Variants in CCSER1 observed in about 807,000 individuals in gnomAD.
CCSER1 encodes serine-rich coiled-coil domain-containing protein 1.
CCSER1 carries 41 observed loss-of-function variants against 82.0 expected under a neutral mutation model. That is an observed-to-expected ratio of 0.50 (90% CI 0.39 to 0.65). CCSER1 has a LOEUF of 0.65. Ranked by LOEUF, CCSER1 falls within the 30% of genes least tolerant of loss-of-function variation. The probability of loss-of-function intolerance (pLI) is 0.00; values close to 1 mark genes in which losing one functional copy is unlikely to be tolerated. For synonymous variants in CCSER1, 414 were observed against 383.9 expected (o/e 1.08, Z -0.92); for missense variants, 1,119 against 1,064.2 (o/e 1.05, Z -0.72).
intron 1 of CCSER1, among the ~76,000 whole-genome samples, chr4:90,276,251 T>TTTCTTTCTTCCTTTCCTTCC (rs1727659770): frequency 6.5e-5 from 5 of 76,830 alleles, no homozygotes; most frequent in African/African-American, 2.6e-4. Context: ...TCTTTCTTTC[T>TTTCTTTCTTCCTTTCCTTCC]TTCCTTCCTT....
At position 91,296,483 on chromosome 4, in the gene CCSER1, A is replaced by ATATATATATATATATATATATT. The variant is rs1175690764; in HGVS notation, c.2217+210492_2217+210493insATATATATATATATATATTTAT. On this transcript the variant is annotated intron_variant, in intron 10 of 10. Coordinates refer to ENST00000509176, the MANE Select transcript of CCSER1 (RefSeq NM_001145065.2). ...TATATATATGTATATATATATATAT[A>ATATATATATATATATATATATT]TATTTTAATTAAATATACAGTTATC... 1.0e-4 allele frequency among the ~76,000 whole-genome samples: 13 copies of ATATATATATATATATATATATT among 124,046 alleles called. 1 individual carries two copies. Among genetic ancestry groups the ATATATATATATATATATATATT allele is most frequent in the South Asian group, 9.4e-4 (4 of 4,240 alleles). The allele number at this position is 124,046 out of a possible 152,430, so 81.4% of individuals were successfully genotyped here.
chr4:91,416,896 T>G (rs973957349), intron 10 of CCSER1, among the ~76,000 whole-genome samples: 2 of 151,924 alleles, frequency 1.3e-5, no homozygotes, highest in African/African-American at 4.8e-5. Flanking sequence ...GCAAAAGAAA[T>G]TATCATCAGA....
chr4:90,193,877 C>T (rs948494966), intron 1 of CCSER1, among the ~76,000 whole-genome samples: 2 of 152,024 alleles, frequency 1.3e-5, no homozygotes, highest in African/African-American at 4.8e-5. Context: ...AAAATATGCA[C>T]TAGAAATTTT....
At chr4:90,866,456 G>T (rs1197771724) in intron 8 of CCSER1, among the ~76,000 whole-genome samples, 1 of 151,958 alleles carries the variant, frequency 6.6e-6, no homozygotes, top group Non-Finnish European at 1.5e-5. Context: ...GTTTGTATAG[G>T]CATTAGCCAA....
intron 8 of CCSER1, among the ~76,000 whole-genome samples, chr4:90,912,533 G>A (rs562141467): frequency 8.6e-5 from 13 of 151,240 alleles, no homozygotes; most frequent in Admixed American, 2.0e-4. Context: ...CCACAAAGAT[G>A]GGGAAAAAAC....
At chr4:90,747,271 C>T (rs546340646) in intron 7 of CCSER1, among the ~76,000 whole-genome samples, 2 of 152,146 alleles carry the variant, frequency 1.3e-5, no homozygotes, top group East Asian at 1.9e-4. Context: ...TGAAAGTTAC[C>T]TGAAATAATG....
intron 10 of CCSER1, among the ~76,000 whole-genome samples, chr4:91,126,120 A>G (rs1188242910): frequency 1.3e-5 from 2 of 151,746 alleles, no homozygotes; most frequent in Non-Finnish European, 3.0e-5. Context: ...TTTTGTATAT[A>G]AAGTTTTAAG....
At chr4:90,628,450 T>TA (rs1411461948) in intron 6 of CCSER1, among the ~76,000 whole-genome samples, 8 of 152,164 alleles carry the variant, frequency 5.3e-5, no homozygotes, top group African/African-American at 9.7e-5. Flanking sequence ...GTTTACGAAA[T>TA]ACTTAAAAAA....
chr4:91,201,034 T>A (rs1735865363), intron 10 of CCSER1, among the ~76,000 whole-genome samples: 2 of 152,018 alleles, frequency 1.3e-5, no homozygotes, highest in East Asian at 3.8e-4. Flanking sequence ...TTTCTGACAG[T>A]TTACTATGTA....
intron 4 of CCSER1, among the ~76,000 whole-genome samples, chr4:90,437,150 CT>C (rs1759131989): frequency 6.6e-6 from 1 of 152,046 alleles, no homozygotes; most frequent in Non-Finnish European, 1.5e-5. Context: ...GATGAATACC[CT>C]TAAAATTAGA....
At chr4:91,189,218 T>C (rs1734811280) in intron 10 of CCSER1, among the ~76,000 whole-genome samples, 1 of 152,146 alleles carries the variant, frequency 6.6e-6, no homozygotes, top group African/African-American at 2.4e-5. Flanking sequence ...TTCATTACAA[T>C]TTGTCTTCAT....
chr4:90,682,495 A>G (rs1734065025), intron 6 of CCSER1, among the ~76,000 whole-genome samples: 1 of 152,040 alleles, frequency 6.6e-6, no homozygotes, highest in Admixed American at 6.6e-5. Context: ...GATTATGTCA[A>G]TAACATATTA....
At chr4:90,761,823 T>C (rs928301765) in intron 7 of CCSER1, among the ~76,000 whole-genome samples, 1 of 152,098 alleles carries the variant, frequency 6.6e-6, no homozygotes, top group Admixed American at 6.6e-5. Context: ...AGATTTGAGA[T>C]GAAGTGAATT....
chr4:90,971,108 G>T (rs938258610), intron 9 of CCSER1, among the ~76,000 whole-genome samples: 1 of 151,838 alleles, frequency 6.6e-6, no homozygotes, highest in East Asian at 1.9e-4. Flanking sequence ...TAATAAAAAA[G>T]ATCAACAAAA....
intron 3 of CCSER1, among the ~76,000 whole-genome samples, chr4:90,396,651 C>T (rs924948206): frequency 3.3e-5 from 5 of 151,746 alleles, no homozygotes; most frequent in African/African-American, 1.2e-4. Flanking sequence ...TTTTCATGCT[C>T]ATATTGCCAG....
chr4:90,383,028 G>A (rs1218549254), intron 3 of CCSER1, among the ~76,000 whole-genome samples: 2 of 152,054 alleles, frequency 1.3e-5, no homozygotes, highest in Non-Finnish European at 2.9e-5. Context: ...CAAAGGGTGA[G>A]TAATACACCA....
Position 91,029,271 on chromosome 4 carries a change from G to A in CCSER1, c.2173-56679G>A, listed in dbSNP as rs112882817. Among the ~76,000 whole-genome samples the A allele has an allele frequency of 3.4e-3, 500 of 146,192 alleles. 2 individuals are homozygous for A. Among genetic ancestry groups the A allele is most frequent in the African/African-American group, 0.011 (423 of 37,316 alleles). On this transcript the variant is annotated intron_variant, in intron 9 of 10. Transcript: ENST00000509176. ...AATTCTAATGCAGTACTTATCGTTC[G>A]GTTTTTTTTTTTACATAAAAATACA...
At chr4:90,905,139 C>T (rs558115462) in intron 8 of CCSER1, among the ~76,000 whole-genome samples, 1 of 152,060 alleles carries the variant, frequency 6.6e-6, no homozygotes, top group African/African-American at 2.4e-5. Flanking sequence ...AAAGCATTTC[C>T]TCTAGACAAT....
chr4:90,994,291 C>A (rs994006126), intron 9 of CCSER1, among the ~76,000 whole-genome samples: 1 of 152,072 alleles, frequency 6.6e-6, no homozygotes, highest in Non-Finnish European at 1.5e-5. Flanking sequence ...AGCCTAACTA[C>A]AAATGTGCTC....
Sources: gnomAD v4.1 joint callset for allele counts (sites outside exome capture counted in the v4.1 genomes callset) on GRCh38, gnomAD v4.1.1 for gene constraint, MANE v1.5 for transcripts, NCBI Gene and HGNC (gene_info 2026-07-23, HGNC 2026-07-21) for gene names.